AFAP1L1: variants seen among roughly 807,000 people sequenced by gnomAD.
The protein encoded by AFAP1L1 is actin filament associated protein 1 like 1.
AFAP1L1 carries 77 observed loss-of-function variants against 99.8 expected under a neutral mutation model. The ratio of observed to expected loss-of-function variants is 0.77; its 90% CI spans 0.64 to 0.93. AFAP1L1 has a LOEUF of 0.93. Among genes scored for constraint, AFAP1L1 ranks in the 40% least tolerant of loss-of-function variants. The pLI, the probability that AFAP1L1 is intolerant of heterozygous loss-of-function variation, is 0.00. For synonymous variants in AFAP1L1, 373 were observed against 395.3 expected (o/e 0.94, Z 0.67); for missense variants, 893 against 996.8 (o/e 0.90, Z 1.40).
At chr5:149,281,036 A>G (rs920361010) in intron 1 of AFAP1L1, among the ~76,000 whole-genome samples, 7 of 152,200 alleles carry the variant, frequency 4.6e-5, no homozygotes, top group Admixed American at 4.6e-4. Context: ...TCTTCATTTC[A>G]GCTTAGCTTC....
chr5:149,288,484 G>T (rs1288182786), intron 1 of AFAP1L1, among the ~76,000 whole-genome samples: 1 of 152,158 alleles, frequency 6.6e-6, no homozygotes, highest in Non-Finnish European at 1.5e-5. Flanking sequence ...TTACCATCAG[G>T]CATCCCAGAT....
At chr5:149,339,858 C>T (rs188501868) in intron 18 of AFAP1L1, 149 bp from the exon 19 acceptor site, 28 of 647,674 alleles carry the variant, frequency 4.3e-5, no homozygotes, top group Admixed American at 1.7e-4. Flanking sequence ...GTGACTTACT[C>T]AGGGCCACAG....
chr5:149,302,999 A>G (rs1282336772), intron 5 of AFAP1L1, among the ~76,000 whole-genome samples: 2 of 152,210 alleles, frequency 1.3e-5, no homozygotes, highest in Non-Finnish European at 2.9e-5. Context: ...CGTAAAATAA[A>G]AAGCACGTGG....
At position 149,317,769 on chromosome 5, in the gene AFAP1L1, C is replaced by T; in HGVS notation, c.1308C>T (p.Arg436=). 1 of 1,614,132 alleles carries T rather than the reference C, an allele frequency of 6.2e-7. No homozygotes were observed. The highest frequency in any genetic ancestry group is 8.5e-7 in the Non-Finnish European group (1 of 1,180,010). ...TGGTGAACCAGGGCTGGAAGGAACG[C>T]TGGTGCCGCCTGAAGTGCAACACTC... ...NVLVNQGWKE[R]WCRLKCNTLY... is the part of the protein sequence containing the mutation. The change falls in exon 12 of 19, where the codon CGC becomes CGT. Residue 436 remains arginine, a synonymous_variant. Transcript: ENST00000296721.
chr5:149,314,935 A>ATC (rs1165319362), intron 9 of AFAP1L1, among the ~76,000 whole-genome samples: 1 of 152,184 alleles, frequency 6.6e-6, no homozygotes, highest in Non-Finnish European at 1.5e-5. Flanking sequence ...GTTAGAAATG[A>ATC]TACAGTCCAT....
intron 17 of AFAP1L1, among the ~76,000 whole-genome samples, chr5:149,333,650 A>T (rs1343861998): frequency 1.3e-5 from 2 of 152,228 alleles, no homozygotes; most frequent in African/African-American, 4.8e-5. Context: ...ATTCTTTCTT[A>T]TAAGGGACTA....
At chr5:149,277,648 A>G (rs1235292631) in intron 1 of AFAP1L1, among the ~76,000 whole-genome samples, 1 of 152,222 alleles carries the variant, frequency 6.6e-6, no homozygotes, top group African/African-American at 2.4e-5. Context: ...GTCATGGGTC[A>G]TCTTTGTCAG....
chr5:149,291,547 A>AG (rs1327497725), intron 1 of AFAP1L1, among the ~76,000 whole-genome samples: 14 of 131,536 alleles, frequency 1.1e-4, no homozygotes, highest in Middle Eastern at 4.1e-3. Context: ...AAAAAAAAAA[A>AG]AAAGAAAGAA....
At chr5:149,295,889 G>A (rs1756001647) in intron 1 of AFAP1L1, among the ~76,000 whole-genome samples, 2 of 152,168 alleles carry the variant, frequency 1.3e-5, no homozygotes, top group African/African-American at 4.8e-5. Flanking sequence ...GAGTTTTCCA[G>A]GCACAACCTG....
chr5:149,314,571 T>G (rs1464220722), intron 9 of AFAP1L1, among the ~76,000 whole-genome samples: 1 of 152,200 alleles, frequency 6.6e-6, no homozygotes, highest in Admixed American at 6.5e-5. Context: ...GATGAAAAAC[T>G]TACCATCTGT....
intron 8 of AFAP1L1, 129 bp from the exon 9 acceptor site, chr5:149,311,983 G>C: frequency 1.3e-6 from 1 of 781,664 alleles, no homozygotes; most frequent in Admixed American, 2.3e-5. Flanking sequence ...AGGTAGCTGT[G>C]TCAGTCCATC....
chr5:149,272,429 G>A (rs1393581293), intron 1 of AFAP1L1, among the ~76,000 whole-genome samples: 1 of 152,236 alleles, frequency 6.6e-6, no homozygotes, highest in East Asian at 1.9e-4. Flanking sequence ...CGAGAAGGAG[G>A]AGCGCCGTGA....
At chr5:149,339,529 C>G (rs1242190982) in intron 18 of AFAP1L1, among the ~76,000 whole-genome samples, 1 of 152,116 alleles carries the variant, frequency 6.6e-6, no homozygotes, top group Admixed American at 6.5e-5. Context: ...ATTTGAATTT[C>G]GTATCATTTT....
intron 1 of AFAP1L1, among the ~76,000 whole-genome samples, chr5:149,284,429 C>A (rs352358): frequency 0.62 from 94,603 of 152,122 alleles, 30,212 homozygotes; most frequent in East Asian, 0.95. Flanking sequence ...ACGATGAGGG[C>A]TCATTGGATT....
Position 149,317,911 on chromosome 5 carries a change from C to T in AFAP1L1, c.1450C>T (p.Arg484Cys), listed in dbSNP as rs745691457. Residue 484 changes from arginine (R) to cysteine (C), a missense_variant, in exon 12 of 19, where the codon CGC (arginine) becomes TGC (cysteine). Arg to Cys is a radical substitution (Grantham distance 180). Transcript: ENST00000296721. ...ACACCCATTTGCCTTCAGGATCCTG[C>T]GCAACCGGCAGGAGGTGGCCATCTT... The part of the protein sequence containing the change: ...PRHPFAFRIL[R>C]NRQEVAILEA... 42 of 1,583,344 alleles carry T rather than the reference C, an allele frequency of 2.7e-5. No homozygotes were observed. Among genetic ancestry groups the T allele is most frequent in the Admixed American group, 2.2e-4 (12 of 55,112 alleles).
Position 149,302,449 on chromosome 5 carries a change from A to G in AFAP1L1, c.359A>G (p.Lys120Arg), listed in dbSNP as rs765162238. The G allele has an allele frequency of 1.3e-6, 2 of 1,594,618 alleles. No homozygotes were observed. Among genetic ancestry groups the G allele is most frequent in the African/African-American group, 1.3e-5 (1 of 74,444 alleles). ...GACCTGCCTCCACCGCTCCCCAACA[A>G]GCCTCCCCCTGAGGACTACTATGAA... ...AADLPPPLPN[K>R]PPPEDYYEEA... The change falls in exon 5 of 19, where the codon AAG (lysine) becomes AGG (arginine). Residue 120 changes from lysine to arginine, a missense_variant. Coordinates refer to ENST00000296721, the MANE Select transcript of AFAP1L1 (RefSeq NM_152406.4).
At chr5:149,323,762 G>A (rs1319097376) in intron 15 of AFAP1L1, among the ~76,000 whole-genome samples, 1 of 152,108 alleles carries the variant, frequency 6.6e-6, no homozygotes, top group Non-Finnish European at 1.5e-5. Flanking sequence ...TTTCCTCTCT[G>A]AACAATCAGA....
chr5:149,313,124 TTAA>T (rs1756687784), intron 9 of AFAP1L1, among the ~76,000 whole-genome samples: 2 of 137,276 alleles, frequency 1.5e-5, no homozygotes, highest in African/African-American at 6.6e-5. Context: ...AAAGCTTCAT[TTAA>T]AAAAAAAAAA....
chr5:149,315,620 G>T (rs1756769366), intron 9 of AFAP1L1: 2 of 566,594 alleles, frequency 3.5e-6, no homozygotes, highest in Admixed American at 2.9e-5. Context: ...ACTGTGAATT[G>T]CCCAAAGACA....
Sources: gnomAD v4.1 joint callset for allele counts (sites outside exome capture counted in the v4.1 genomes callset) on GRCh38, gnomAD v4.1.1 for gene constraint, MANE v1.5 for transcripts, NCBI Gene and HGNC (gene_info 2026-07-23, HGNC 2026-07-21) for gene names.